The following SRSF3 variants were observed in gnomAD, a reference collection of about 807,000 sequenced individuals.
SRSF3 encodes the protein serine and arginine rich splicing factor 3.
For missense variants in SRSF3, 58 were observed against 217.1 expected, an observed-to-expected ratio of 0.27 and a Z score of 4.61; for synonymous variants, 87 against 73.6, an observed-to-expected ratio of 1.18 and a Z score of -0.93.
In SRSF3 at chr6:36,604,786, TTA is replaced by T. The variant is rs1432079009; in HGVS notation, c.*2798_*2799del. 2 of 152,254 alleles carry T rather than the reference TTA, an allele frequency of 1.3e-5. No homozygotes were observed. The highest frequency in any genetic ancestry group is 2.9e-5 in the Non-Finnish European group (2 of 68,074). The allele number at this position is 152,254 out of a possible 1,614,324, so 9.4% of individuals were successfully genotyped here. On this transcript the variant is annotated 3_prime_UTR_variant, in exon 6 of 6. Coordinates refer to ENST00000373715, the MANE Select transcript of SRSF3 (RefSeq NM_003017.5). ...ACAGCCAGACTCCAGGCTCATTGAC[TTA>T]GTTTTTCAGGGTGACCTAACCCTGT...
rs577495237 is a variant in SRSF3, at chr6:36,603,391, T to A, written c.*1402T>A. ...TTAGAAAATGGCAGGTGTTGTAATT[T>A]CAAATTTTTGTGCAATTAGATTAAA... On this transcript the variant is annotated 3_prime_UTR_variant, in exon 6 of 6. Transcript: ENST00000373715. 15 of 224,162 alleles carry A rather than the reference T, an allele frequency of 6.7e-5. No individual in the cohort carries two copies. In the South Asian group the frequency reaches 7.3e-4, roughly 11 times the overall value. 13.9% of individuals were successfully genotyped at this position (224,162 alleles called of 1,614,324 possible).
intron 2 of SRSF3, 129 bp downstream of exon 2, chr6:36,597,097 CTTT>C (rs35760494): frequency 0.031 from 10,490 of 341,874 alleles, no homozygotes; most frequent in Middle Eastern, 0.057. Flanking sequence ...CAATTGGGAT[CTTT>C]TTTTTTTTTT....
rs1562013676 is a variant in SRSF3, at chr6:36,601,551, C to G, written c.381-157C>G. ...TGGAGATGGGATCTCACTTTGTTGT[C>G]CAATCTGTTCTCAAACTCTTGGCTT... is the stretch of plus-strand genomic sequence containing the variant. On this transcript the variant is annotated intron_variant, in intron 4 of 5. Transcript: ENST00000373715. 11 of 685,846 alleles carry G rather than the reference C, an allele frequency of 1.6e-5. No homozygotes were observed. In the East Asian group the frequency reaches 2.8e-4, roughly 17 times the overall value. The allele number at this position is 685,846 out of a possible 1,614,324, so 42.5% of individuals were successfully genotyped here.
Position 36,601,942 on chromosome 6 carries a change from T to TC in SRSF3, c.468-20_468-19insC. Reference sequence around the variant, plus strand: ...TTACAGATGTAATGTTTTGTTTTCTTTTTTTTTTTTTTTTTTTAGTCGATC... The same window carrying TC: ...TTACAGATGTAATGTTTTGTTTTCTTCTTTTTTTTTTTTTTTTTAGTCGATC... On this transcript the variant is annotated intron_variant, in intron 5 of 5. Transcript: ENST00000373715. 3.5e-6 allele frequency: 2 copies of TC among 578,990 alleles called. No individual in the cohort carries two copies. The highest frequency in any genetic ancestry group is 9.1e-5 in the East Asian group (2 of 22,050). 35.9% of individuals were successfully genotyped at this position (578,990 alleles called of 1,614,324 possible).
intron 2 of SRSF3, among the ~76,000 whole-genome samples, chr6:36,598,151 A>T (rs757457637): frequency 6.6e-6 from 1 of 152,186 alleles, no homozygotes; most frequent in African/African-American, 2.4e-5. Context: ...AAGTGCAGGG[A>T]CTTCAAGGGA....
Position 36,602,249 on chromosome 6 carries a change from C to T in SRSF3, c.*260C>T, listed in dbSNP as rs1462917570. 3 of 587,590 alleles carry T rather than the reference C, an allele frequency of 5.1e-6. No individual in the cohort carries two copies. The highest frequency in any genetic ancestry group is 8.0e-5 in the South Asian group (2 of 24,978). The allele number at this position is 587,590 out of a possible 1,614,324, so 36.4% of individuals were successfully genotyped here. On this transcript the variant is annotated 3_prime_UTR_variant, in exon 6 of 6. Transcript: ENST00000373715. ...TAAGCAAAATTGAATTTGCTTTGAA[C>T]TTTTAGTTATGCACAGACTGATAAT...
intron 2 of SRSF3, 118 bp downstream of exon 2, chr6:36,597,086 A>G (rs962008422): frequency 1.3e-4 from 92 of 735,004 alleles, no homozygotes; most frequent in Non-Finnish European, 1.5e-4. Flanking sequence ...ATCTTTAGAT[A>G]CAATTGGGAT....
chr6:36,595,589 C>T (rs1041963185), intron 1 of SRSF3, among the ~76,000 whole-genome samples: 2 of 152,176 alleles, frequency 1.3e-5, no homozygotes, highest in Non-Finnish European at 2.9e-5. Context: ...TTTATGGAAT[C>T]GTGTACTTTT....
rs1189507915 is a variant in SRSF3 at position 36,603,401 on chromosome 6, G to A, written c.*1412G>A. ...GCAGGTGTTGTAATTTCAAATTTTT[G>A]TGCAATTAGATTAAATCATAATGCA... On this transcript the variant is annotated 3_prime_UTR_variant, in exon 6 of 6. Transcript: ENST00000373715. 8.9e-6 allele frequency: 2 copies of A among 223,614 alleles called. No individual in the cohort carries two copies. Among genetic ancestry groups the A allele is most frequent in the African/African-American group, 2.2e-5 (1 of 44,826 alleles). 13.9% of individuals were successfully genotyped at this position (223,614 alleles called of 1,614,324 possible).
chr6:36,600,370 G>A, intron 3 of SRSF3: 1 of 791,424 alleles, frequency 1.3e-6, no homozygotes, highest in Non-Finnish European at 1.5e-6. Flanking sequence ...GGCTGGCTGT[G>A]CATAATTGAA....
In SRSF3 at chr6:36,598,831, A is replaced by G. The variant is rs374555989; in HGVS notation, c.207-18A>G. 3.2e-5 allele frequency: 52 copies of G among 1,609,390 alleles called. No individual in the cohort carries two copies. The African/African-American group carries it at 5.7e-4, about 18-fold the overall frequency. On this transcript the variant is annotated intron_variant, in intron 2 of 5. Coordinates refer to ENST00000373715, the MANE Select transcript of SRSF3 (RefSeq NM_003017.5). ...AGAAAGTCAGGCTGTTTTAAGTTTA[A>G]TATCTTTGCCCCCTCAGAACACTAT... is the stretch of plus-strand genomic sequence containing the variant.
At chr6:36,601,129 A>G in intron 3 of SRSF3, 23 bp from the exon 4 acceptor site, 2 of 1,606,020 alleles carry the variant, frequency 1.2e-6, no homozygotes, top group Non-Finnish European at 8.5e-7. Context: ...TGATGAGCCT[A>G]ATTTTCCTGT....
At chr6:36,601,397 A>G (rs1778713641) in intron 4 of SRSF3, 2 of 611,144 alleles carry the variant, frequency 3.3e-6, no homozygotes, top group African/African-American at 3.7e-5. Context: ...CCCAGGCTGG[A>G]GTGCAGTGGT....
chr6:36,599,744 G>A, intron 3 of SRSF3: 1 of 1,096,754 alleles, frequency 9.1e-7, no homozygotes, highest in Non-Finnish European at 1.3e-6. Context: ...GCTAATAGAT[G>A]GTTGTACTGA....
At chr6:36,600,434 G>A (rs1778693066) in intron 3 of SRSF3, 1 of 282,810 alleles carries the variant, frequency 3.5e-6, no homozygotes, top group African/African-American at 2.3e-5. Flanking sequence ...TAGGGAACTC[G>A]TAATGTAACT....
In SRSF3 at chr6:36,602,208, CT is replaced by C; in HGVS notation, c.*222del. ...AGGCATGTAATACCAAGAATTGTTA[CT>C]TTACAATGTTCCCTTAAGCAAAATT... On this transcript the variant is annotated 3_prime_UTR_variant, in exon 6 of 6. Coordinates refer to ENST00000373715, the MANE Select transcript of SRSF3 (RefSeq NM_003017.5). 3 of 912,442 alleles carry C rather than the reference CT, an allele frequency of 3.3e-6. No individual in the cohort carries two copies. The highest frequency in any genetic ancestry group is 4.6e-6 in the Non-Finnish European group (3 of 656,004). 56.5% of individuals were successfully genotyped at this position (912,442 alleles called of 1,614,324 possible). A position where few individuals can be genotyped will look rare whatever the true frequency, so the allele number is the denominator to read the frequency against.
intron 3 of SRSF3, 77 bp from the exon 4 acceptor site, chr6:36,601,075 G>C: frequency 8.5e-7 from 1 of 1,172,970 alleles, no homozygotes; most frequent in Non-Finnish European, 1.2e-6. Context: ...CCAACAGTGA[G>C]ATTGAAAAGT....
chr6:36,601,585 C>A, intron 4 of SRSF3, 123 bp from the exon 5 acceptor site: 1 of 883,142 alleles, frequency 1.1e-6, no homozygotes, highest in Non-Finnish European at 1.8e-6. Flanking sequence ...TTCAAGTGAG[C>A]CTCCTGCCTC....
intron 2 of SRSF3, 92 bp from the exon 3 acceptor site, chr6:36,598,757 C>G: frequency 6.9e-7 from 1 of 1,440,210 alleles, no homozygotes; most frequent in Non-Finnish European, 9.5e-7. Flanking sequence ...TAGGTGTGTT[C>G]TTTGCAGAAT....
Sources: allele counts gnomAD v4.1 joint callset (sites outside exome capture counted in the v4.1 genomes callset), GRCh38; gene constraint gnomAD v4.1.1; transcripts MANE v1.5; gene names NCBI Gene and HGNC (gene_info 2026-07-23, HGNC 2026-07-21).